HDAC9: variants seen among roughly 807,000 people sequenced by gnomAD.
HDAC9 encodes MEF-2 interacting transcription repressor (MITR) protein.
In HDAC9, 41 loss-of-function variants were observed where a neutral mutation model predicts 139.4. The ratio of observed to expected loss-of-function variants is 0.29; its 90% CI spans 0.23 to 0.38. HDAC9 has a LOEUF of 0.38. HDAC9 is among the 10% of genes least tolerant of loss of function. The probability of loss-of-function intolerance (pLI) is 1.00; values close to 1 mark genes in which losing one functional copy is unlikely to be tolerated. For synonymous variants in HDAC9, 517 were observed against 476.2 expected (o/e 1.09, Z -1.12); for missense variants, 1,147 against 1,297.0 (o/e 0.88, Z 1.78).
chr7:18,814,848 T>C (rs78536870), intron 17 of HDAC9, among the ~76,000 whole-genome samples: 2,218 of 152,310 alleles, frequency 0.015, 51 homozygotes, highest in African/African-American at 0.049. Flanking sequence ...TAAAATCATC[T>C]ATCCAAAGAA....
chr7:18,559,680 A>G (rs1252728841), intron 2 of HDAC9, among the ~76,000 whole-genome samples: 1 of 152,144 alleles, frequency 6.6e-6, no homozygotes, highest in African/African-American at 2.4e-5. Flanking sequence ...CAGCCTGCAT[A>G]GGTGGTCTGG....
intron 2 of HDAC9, among the ~76,000 whole-genome samples, chr7:18,547,883 C>T (rs1456931521): frequency 7.5e-6 from 1 of 134,118 alleles, no homozygotes; most frequent in African/African-American, 2.8e-5. Flanking sequence ...CTCCCTCCCT[C>T]TCTCCCTCTC....
intron 16 of HDAC9, among the ~76,000 whole-genome samples, chr7:18,770,944 G>A (rs1790237076): frequency 6.6e-6 from 1 of 152,124 alleles, no homozygotes; most frequent in African/African-American, 2.4e-5. Flanking sequence ...TGTTCCCTGG[G>A]GAAAGCCCTG....
intron 22 of HDAC9, among the ~76,000 whole-genome samples, chr7:18,882,219 A>G (rs1222153067): frequency 6.6e-6 from 1 of 152,018 alleles, no homozygotes; most frequent in African/African-American, 2.4e-5. Context: ...TGCCATTGCT[A>G]TCTTCCCCAT....
chr7:18,517,166 A>G (rs1298127667), intron 2 of HDAC9, among the ~76,000 whole-genome samples: 1 of 152,204 alleles, frequency 6.6e-6, no homozygotes, highest in Non-Finnish European at 1.5e-5. Context: ...ATTTAAAGAC[A>G]AACATATTCA....
intron 2 of HDAC9, among the ~76,000 whole-genome samples, chr7:18,549,019 C>T (rs111312069): frequency 6.6e-6 from 1 of 152,126 alleles, no homozygotes; most frequent in Non-Finnish European, 1.5e-5. Context: ...GCGGGAGGAT[C>T]GCGAGGTCAA....
chr7:18,654,228 G>A (rs1206135981), intron 11 of HDAC9, among the ~76,000 whole-genome samples: 1 of 152,056 alleles, frequency 6.6e-6, no homozygotes, highest in Non-Finnish European at 1.5e-5. Flanking sequence ...TTACTTGTAA[G>A]CAAATTAAAT....
chr7:18,295,318 T>G (rs1229844322), intron 1 of HDAC9, among the ~76,000 whole-genome samples: 1 of 151,746 alleles, frequency 6.6e-6, no homozygotes, highest in Non-Finnish European at 1.5e-5. Flanking sequence ...GAGAAAGGAG[T>G]GATTATCCAT....
chr7:18,442,553 G>T (rs945260225), intron 1 of HDAC9, among the ~76,000 whole-genome samples: 3 of 152,258 alleles, frequency 2.0e-5, no homozygotes, highest in East Asian at 1.9e-4. Flanking sequence ...CCCAAAATCA[G>T]TCGGATATCT....
intron 22 of HDAC9, among the ~76,000 whole-genome samples, chr7:18,882,730 T>C (rs1799828149): frequency 6.6e-6 from 1 of 152,084 alleles, no homozygotes. Context: ...GAATTAATAG[T>C]TTTGAATTTT....
intron 6 of HDAC9, among the ~76,000 whole-genome samples, chr7:18,624,525 G>A (rs1290517935): frequency 6.6e-6 from 1 of 152,036 alleles, no homozygotes; most frequent in African/African-American, 2.4e-5. Flanking sequence ...TGGGTGTGGG[G>A]TAAAAATGGA....
chr7:18,990,359 C>G (rs542816946), intron 25 of HDAC9, among the ~76,000 whole-genome samples: 1 of 152,166 alleles, frequency 6.6e-6, no homozygotes, highest in African/African-American at 2.4e-5. Context: ...TTAGGCTGCT[C>G]GTGGGTCAGG....
intron 1 of HDAC9, among the ~76,000 whole-genome samples, chr7:18,410,780 C>T (rs527522033): frequency 7.2e-5 from 11 of 152,246 alleles, no homozygotes; most frequent in Admixed American, 6.5e-4. Flanking sequence ...GGAATAGAGA[C>T]TTTTATAAAA....
chr7:18,390,681 C>T (rs1402063208), intron 1 of HDAC9, among the ~76,000 whole-genome samples: 2 of 152,194 alleles, frequency 1.3e-5, no homozygotes, highest in Admixed American at 6.5e-5. Context: ...GTCTTCAGTT[C>T]TGGCCCCAGT....
chr7:18,499,119 A>T (rs909405381), intron 2 of HDAC9, among the ~76,000 whole-genome samples: 3 of 151,808 alleles, frequency 2.0e-5, no homozygotes. Context: ...GAAATGTCTC[A>T]TTATGTAATA....
intron 3 of HDAC9, among the ~76,000 whole-genome samples, chr7:18,590,042 A>C (rs1043070021): frequency 6.6e-6 from 1 of 152,212 alleles, no homozygotes; most frequent in Non-Finnish European, 1.5e-5. Context: ...AAAAGTCATT[A>C]AGGGAACTAA....
chr7:18,255,780 C>A (rs1355754746), intron 2 of HDAC9, among the ~76,000 whole-genome samples: 2 of 151,964 alleles, frequency 1.3e-5, no homozygotes, highest in African/African-American at 2.4e-5. Flanking sequence ...AGGCACGCAC[C>A]ATCACGCCCA....
At chr7:18,424,656 C>T (rs1789944760) in intron 1 of HDAC9, among the ~76,000 whole-genome samples, 1 of 152,134 alleles carries the variant, frequency 6.6e-6, no homozygotes, top group South Asian at 2.1e-4. Flanking sequence ...TGCCTGTAAT[C>T]CCAACATTTT....
intron 1 of HDAC9, among the ~76,000 whole-genome samples, chr7:18,307,275 C>T (rs183883321): frequency 7.8e-4 from 118 of 152,088 alleles, no homozygotes; most frequent in African/African-American, 2.0e-3. Context: ...ACATTTATAC[C>T]TGTTAATCCA....
Sources: allele counts gnomAD v4.1 joint callset (sites outside exome capture counted in the v4.1 genomes callset), GRCh38; gene constraint gnomAD v4.1.1; transcripts MANE v1.5; gene names NCBI Gene and HGNC (gene_info 2026-07-23, HGNC 2026-07-21).